Variants in KCNIP4 observed in about 807,000 individuals in gnomAD.
The protein encoded by KCNIP4 is potassium voltage-gated channel interacting protein 4, also known as Kv channel-interacting protein 4.
Under a neutral mutation model 34.0 loss-of-function variants are expected in KCNIP4, and 12 were observed. The observed-to-expected ratio is 0.35, with a 90% CI of 0.23 to 0.57. The LOEUF is 0.57. KCNIP4 is among the 20% of genes least tolerant of loss of function. KCNIP4 has a pLI of 0.83. For missense variants in KCNIP4, 238 were observed against 311.7 expected (o/e 0.76, Z 1.78); for synonymous variants, 124 against 102.2 (o/e 1.21, Z -1.29).
intron 1 of KCNIP4, among the ~76,000 whole-genome samples, chr4:21,130,106 C>CT (rs144149944): frequency 0.011 from 1,622 of 148,112 alleles, 24 homozygotes; most frequent in Non-Finnish European, 0.018. Flanking sequence ...TTTACTGTTC[C>CT]TTTTTTTTTT....
intron 1 of KCNIP4, among the ~76,000 whole-genome samples, chr4:21,538,280 T>C (rs1392941212): frequency 1.3e-5 from 2 of 152,194 alleles, no homozygotes; most frequent in Non-Finnish European, 2.9e-5. Context: ...ATTTCTATTG[T>C]TTTAAACCAC....
chr4:21,473,022 C>T (rs760949120), intron 1 of KCNIP4, among the ~76,000 whole-genome samples: 27 of 152,154 alleles, frequency 1.8e-4, no homozygotes, highest in East Asian at 3.9e-4. Flanking sequence ...TGGTCAACAA[C>T]GTGTAAGCAG....
At chr4:21,629,646 A>T (rs1745575591) in intron 1 of KCNIP4, among the ~76,000 whole-genome samples, 1 of 152,120 alleles carries the variant, frequency 6.6e-6, no homozygotes, top group South Asian at 2.1e-4. Flanking sequence ...CACCATCACG[A>T]AGCTAAGTTT....
chr4:21,571,905 C>G (rs1740394117), intron 1 of KCNIP4, among the ~76,000 whole-genome samples: 1 of 152,206 alleles, frequency 6.6e-6, no homozygotes, highest in African/African-American at 2.4e-5. Flanking sequence ...ACCCCATTAT[C>G]TAATCAAACT....
chr4:21,384,924 CT>C (rs1161897031), intron 1 of KCNIP4, among the ~76,000 whole-genome samples: 1 of 152,188 alleles, frequency 6.6e-6, no homozygotes, highest in Admixed American at 6.6e-5. Flanking sequence ...ATAATTTACA[CT>C]GATATACTAA....
chr4:21,168,926 T>G (rs1225119590), intron 1 of KCNIP4, among the ~76,000 whole-genome samples: 1 of 152,134 alleles, frequency 6.6e-6, no homozygotes, highest in East Asian at 1.9e-4. Context: ...CATCTGCCAA[T>G]TCCTTCCTCC....
intron 1 of KCNIP4, among the ~76,000 whole-genome samples, chr4:20,935,632 C>A (rs1402566497): frequency 1.3e-5 from 2 of 152,136 alleles, no homozygotes; most frequent in Admixed American, 6.5e-5. Context: ...TGTAAAATAT[C>A]CTATAATAAC....
intron 1 of KCNIP4, among the ~76,000 whole-genome samples, chr4:21,242,982 T>C (rs555488205): frequency 2.9e-4 from 44 of 152,212 alleles, no homozygotes; most frequent in African/African-American, 8.9e-4. Context: ...GTTGTTATGA[T>C]GATTGAATAT....
At chr4:20,988,828 C>T (rs1336725709) in intron 1 of KCNIP4, among the ~76,000 whole-genome samples, 1 of 152,200 alleles carries the variant, frequency 6.6e-6, no homozygotes, top group African/African-American at 2.4e-5. Context: ...TGCCTCAAGG[C>T]AGGGGATAGA....
intron 1 of KCNIP4, among the ~76,000 whole-genome samples, chr4:21,877,697 T>A (rs935317260): frequency 1.3e-5 from 2 of 152,168 alleles, no homozygotes; most frequent in Admixed American, 6.6e-5. Flanking sequence ...AGAACTTAGT[T>A]CCATTTTAGT....
chr4:21,255,360 C>T (rs1760993294), intron 1 of KCNIP4, among the ~76,000 whole-genome samples: 1 of 152,092 alleles, frequency 6.6e-6, no homozygotes, highest in Admixed American at 6.5e-5. Context: ...TATCTTATAC[C>T]TATCCTTTGT....
chr4:21,432,705 A>G (rs769342443), intron 1 of KCNIP4, among the ~76,000 whole-genome samples: 15 of 152,216 alleles, frequency 9.9e-5, no homozygotes, highest in Admixed American at 2.0e-4. Flanking sequence ...AGGAAGGCAA[A>G]TTGATGTGTA....
At chr4:21,286,786 G>T (rs1763148576) in intron 1 of KCNIP4, among the ~76,000 whole-genome samples, 1 of 152,142 alleles carries the variant, frequency 6.6e-6, no homozygotes, top group African/African-American at 2.4e-5. Context: ...AAAACGAAAA[G>T]AAAAGACAAA....
chr4:21,846,517 C>T (rs372554375), intron 1 of KCNIP4: 38 of 151,994 alleles, frequency 2.5e-4, no homozygotes, highest in Admixed American at 2.1e-3. Context: ...TGGACATGCA[C>T]GTCATAGGAT....
chr4:21,402,871 T>TA (rs887206353), intron 1 of KCNIP4, among the ~76,000 whole-genome samples: 2 of 152,076 alleles, frequency 1.3e-5, no homozygotes, highest in Non-Finnish European at 2.9e-5. Context: ...TCCTATTTTT[T>TA]AAAAAAAACA....
At chr4:21,705,321 G>A (rs1289698095) in intron 1 of KCNIP4, among the ~76,000 whole-genome samples, 12 of 152,082 alleles carry the variant, frequency 7.9e-5, no homozygotes, top group Non-Finnish European at 1.8e-4. Flanking sequence ...TCTGAGTTGT[G>A]ATATTTTATT....
intron 2 of KCNIP4, among the ~76,000 whole-genome samples, chr4:20,863,248 C>T (rs749368561): frequency 2.0e-5 from 3 of 151,892 alleles, no homozygotes; most frequent in Non-Finnish European, 2.9e-5. Flanking sequence ...AGTGCTGATT[C>T]GTCAGTTTGG....
intron 1 of KCNIP4, among the ~76,000 whole-genome samples, chr4:21,221,995 A>G (rs938403485): frequency 4.6e-5 from 7 of 152,168 alleles, no homozygotes; most frequent in African/African-American, 1.7e-4. Flanking sequence ...ATTTAGACAC[A>G]TCTATCAGAT....
At chr4:21,347,232 T>C (rs1717532492) in intron 1 of KCNIP4, among the ~76,000 whole-genome samples, 1 of 152,144 alleles carries the variant, frequency 6.6e-6, no homozygotes, top group African/African-American at 2.4e-5. Flanking sequence ...GAGAGAATCA[T>C]AATAGCTAGA....
Sources: allele counts gnomAD v4.1 joint callset (sites outside exome capture counted in the v4.1 genomes callset), GRCh38; gene constraint gnomAD v4.1.1; transcripts MANE v1.5; gene names NCBI Gene and HGNC (gene_info 2026-07-23, HGNC 2026-07-21).